PPP1R1C: variants seen among roughly 807,000 people sequenced by gnomAD.
The protein encoded by PPP1R1C is protein phosphatase 1 regulatory subunit 1C.
Under a neutral mutation model 17.4 loss-of-function variants are expected in PPP1R1C, and 15 were observed. The observed-to-expected ratio is 0.86, with a 90% CI of 0.58 to 1.33. PPP1R1C has a LOEUF of 1.33. Ranked by LOEUF, PPP1R1C falls within the 40% of genes most tolerant of loss-of-function variation. PPP1R1C has a pLI of 0.00. For synonymous variants in PPP1R1C, 35 were observed against 43.1 expected, an observed-to-expected ratio of 0.81 and a Z score of 0.73; for missense variants, 143 against 130.0, an observed-to-expected ratio of 1.10 and a Z score of -0.48.
intron 1 of PPP1R1C, among the ~76,000 whole-genome samples, chr2:181,964,522 T>C (rs1303347347): frequency 2.0e-5 from 3 of 152,160 alleles, no homozygotes; most frequent in South Asian, 2.1e-4. Flanking sequence ...CTCTATTTTT[T>C]AGTTTTTTAA....
rs569199540 is a variant in PPP1R1C, at chr2:182,102,092, T to G, written c.242-15115T>G. Among the ~76,000 whole-genome samples, 58 of 152,374 alleles carry G rather than the reference T, an allele frequency of 3.8e-4. 1 individual carries two copies. The South Asian group carries it at 0.011, about 29-fold the overall frequency. ...AGCACAACAGAAATTATGATATAAT[T>G]GAGCTACTAAGAATTAACTATAATA... On this transcript the variant is annotated intron_variant, in intron 4 of 4. Transcript: ENST00000682840.
chr2:182,119,053 C>T (rs550331610), downstream of PPP1R1C, among the ~76,000 whole-genome samples: 1 of 152,044 alleles, frequency 6.6e-6, no homozygotes, highest in Non-Finnish European at 1.5e-5. Flanking sequence ...ATCCCTCCCC[C>T]CACCACCCAC....
At chr2:182,049,803 C>T (rs779741327) in intron 2 of PPP1R1C, among the ~76,000 whole-genome samples, 3 of 152,086 alleles carry the variant, frequency 2.0e-5, no homozygotes, top group Non-Finnish European at 2.9e-5. Context: ...TTTAAATTTA[C>T]GTTCTGTTTT....
Position 181,962,503 on chromosome 2 carries a change from G to T in PPP1R1C, n.111+7869G>T. On this transcript the variant is annotated intron_variant and non_coding_transcript_variant, in intron 1 of 5. Coordinates refer to the PPP1R1C transcript ENST00000464264. The surrounding 1 kb of genome is among the most constrained non-coding windows in gnomAD (Gnocchi z 6.0). ...TGCTATCCAGGGAGGAGAGTGAGAG[G>T]ACAGGACTCAGGCTTTGCCGACCCG... 1 of 668,972 alleles carries T rather than the reference G, an allele frequency of 1.5e-6. No homozygotes were observed. The allele number at this position is 668,972 out of a possible 1,614,324, so 41.4% of individuals were successfully genotyped here.
intron 2 of PPP1R1C, among the ~76,000 whole-genome samples, chr2:181,999,910 T>C (rs1559051093): frequency 6.6e-6 from 1 of 152,318 alleles, no homozygotes; most frequent in South Asian, 2.1e-4. Flanking sequence ...GAAATCATTA[T>C]CTTGACTTAA....
chr2:181,967,040 G>A lies in PPP1R1C; in HGVS notation n.112-8179G>A, dbSNP rs1372562700. Among the ~76,000 whole-genome samples the A allele has an allele frequency of 2.0e-5, 3 of 152,060 alleles. No individual in the cohort carries two copies. The highest frequency in any genetic ancestry group is 1.9e-4 in the East Asian group (1 of 5,190). On this transcript the variant is annotated intron_variant and non_coding_transcript_variant, in intron 1 of 5. Coordinates refer to the PPP1R1C transcript ENST00000464264. The surrounding 1 kb of genome is among the most constrained non-coding windows in gnomAD (Gnocchi z 5.5). ...CTTCTTCAGTCTTGGTAGGTTGTAGGTGTCTAGGAATTCATCCATTTTTTC... is the reference window on the plus strand; with the variant it reads ...CTTCTTCAGTCTTGGTAGGTTGTAGATGTCTAGGAATTCATCCATTTTTTC...
intron 5 of PPP1R1C, among the ~76,000 whole-genome samples, chr2:182,124,572 T>C (rs1689828392): frequency 6.6e-6 from 1 of 152,118 alleles, no homozygotes; most frequent in South Asian, 2.1e-4. Context: ...TCTTATTTCC[T>C]TGAGCAGTGG....
At chr2:182,103,991 G>C (rs1005470500) in intron 4 of PPP1R1C, among the ~76,000 whole-genome samples, 4 of 152,184 alleles carry the variant, frequency 2.6e-5, no homozygotes, top group Admixed American at 1.3e-4. Flanking sequence ...ACTTGTAAAA[G>C]CCATGGACCC....
At chr2:182,066,896 T>G (rs1028857630) in intron 4 of PPP1R1C, among the ~76,000 whole-genome samples, 2 of 151,992 alleles carry the variant, frequency 1.3e-5, no homozygotes, top group Non-Finnish European at 2.9e-5. Flanking sequence ...AAAGTGGATT[T>G]GGATGTTAGG....
At chr2:181,965,258 T>A (rs1055376386) in intron 1 of PPP1R1C, among the ~76,000 whole-genome samples, 5 of 152,226 alleles carry the variant, frequency 3.3e-5, no homozygotes, top group Admixed American at 2.0e-4. Context: ...GTCTTTTTAC[T>A]TTGTTGATTG....
chr2:182,130,040 T>C (rs1054715383), downstream of PPP1R1C: 2 of 152,168 alleles, frequency 1.3e-5, no homozygotes, highest in African/African-American at 4.8e-5. Context: ...TCTAAATCTA[T>C]ATTTTAAAAA....
intron 1 of PPP1R1C, among the ~76,000 whole-genome samples, chr2:181,968,483 T>C (rs1684946329): frequency 6.6e-6 from 1 of 152,226 alleles, no homozygotes; most frequent in African/African-American, 2.4e-5. Flanking sequence ...TGTCTTGAAG[T>C]CTATTTTGTC....
At chr2:181,981,685 T>C (rs1685196405), upstream of PPP1R1C, among the ~76,000 whole-genome samples, 1 of 152,228 alleles carries the variant, frequency 6.6e-6, no homozygotes, top group Non-Finnish European at 1.5e-5. Flanking sequence ...ATTGAGATAA[T>C]TCTATGAAAG....
chr2:182,124,278 T>C (rs1281572441), intron 5 of PPP1R1C, among the ~76,000 whole-genome samples: 1 of 151,446 alleles, frequency 6.6e-6, no homozygotes, highest in African/African-American at 2.4e-5. Flanking sequence ...TAGTTTGAAG[T>C]CAGGTAGTGT....
chr2:182,082,674 T>A (rs1688514981), intron 4 of PPP1R1C, among the ~76,000 whole-genome samples: 1 of 152,172 alleles, frequency 6.6e-6, no homozygotes, highest in Admixed American at 6.5e-5. Context: ...AATATAAGAA[T>A]TTCAAGATTG....
At chr2:181,958,944 T>C (rs908630931) in intron 1 of PPP1R1C, among the ~76,000 whole-genome samples, 2 of 152,244 alleles carry the variant, frequency 1.3e-5, no homozygotes, top group Non-Finnish European at 1.5e-5. Context: ...TTTAAGTGTA[T>C]TTTGAGGCAC....
In PPP1R1C at chr2:182,076,194, TTTC is replaced by T. The variant is rs1489215480; in HGVS notation, c.241+12406_241+12408del. On this transcript the variant is annotated intron_variant, in intron 4 of 4. Transcript: ENST00000682840. The stretch of plus-strand genomic sequence containing the variant: ...AAGGATTTTGAACTTTTTTTTTTCT[TTTC>T]TTTTTTTTTTTTTTTTTTTTTTTTT... 8.2e-4 allele frequency among the ~76,000 whole-genome samples: 86 copies of T among 104,890 alleles called. 5 individuals carry two copies. Among genetic ancestry groups the T allele is most frequent in the African/African-American group, 3.3e-3 (77 of 23,224 alleles). 68.8% of individuals were successfully genotyped at this position (104,890 alleles called of 152,430 possible). A position where few individuals can be genotyped will look rare whatever the true frequency, so the allele number is the denominator to read the frequency against.
At chr2:182,015,788 A>G (rs1686247814) in intron 2 of PPP1R1C, among the ~76,000 whole-genome samples, 1 of 151,942 alleles carries the variant, frequency 6.6e-6, no homozygotes, top group South Asian at 2.1e-4. Context: ...TCTAAGTCGC[A>G]AAAAAGTCCT....
chr2:181,965,150 A>T (rs966734508), intron 1 of PPP1R1C, among the ~76,000 whole-genome samples: 2 of 151,972 alleles, frequency 1.3e-5, no homozygotes, highest in Non-Finnish European at 2.9e-5. Flanking sequence ...GGATTATTAG[A>T]TTTTTTTCCT....
Sources: gnomAD v4.1 joint callset for allele counts (sites outside exome capture counted in the v4.1 genomes callset) on GRCh38, gnomAD v4.1.1 for gene constraint, Gnocchi (gnomAD v3.1) non-coding constraint, MANE v1.5 for transcripts, NCBI Gene and HGNC (gene_info 2026-07-23, HGNC 2026-07-21) for gene names.